The following AATK variants were observed in gnomAD, a reference collection of about 807,000 sequenced individuals.
The protein encoded by AATK is lemur tail kinase 1.
In AATK, 91 loss-of-function variants were observed where a neutral mutation model predicts 114.3. The observed-to-expected ratio is 0.80, with a 90% CI of 0.67 to 0.95. The LOEUF is 0.95. AATK is among the 40% of genes least tolerant of loss of function. AATK has a pLI of 0.00. For synonymous variants in AATK, 1,075 were observed against 916.5 expected, an observed-to-expected ratio of 1.17 and a Z score of -3.12; for missense variants, 2,176 against 1,965.2, an observed-to-expected ratio of 1.11 and a Z score of -2.03.
intron 1 of AATK, among the ~76,000 whole-genome samples, chr17:81,164,926 G>C (rs1458182919): frequency 6.6e-6 from 1 of 152,114 alleles, no homozygotes; most frequent in African/African-American, 2.4e-5. Context: ...AATGCCTTCA[G>C]ACCGAGATCT....
intron 1 of AATK, among the ~76,000 whole-genome samples, chr17:81,137,960 CCACA>C (rs773265151): frequency 1.7e-4 from 25 of 145,318 alleles, no homozygotes; most frequent in African/African-American, 5.6e-4. Flanking sequence ...ACGCACACAT[CCACA>C]CACACGCAGA....
At position 81,166,056 on chromosome 17, in the gene AATK, G is replaced by A. The variant is rs533452499; in HGVS notation, c.-64C>T. ...TGCGCTCAGGACGCCCGCGGCCCCG[G>A]CCCGAGCCGCCGCATCACCCAGCGG... On this transcript the variant is annotated 5_prime_UTR_variant, in exon 1 of 14. Transcript: ENST00000326724. 9.8e-4 allele frequency: 1,153 copies of A among 1,181,256 alleles called. 13 individuals are homozygous for A. In the African/African-American group the frequency reaches 0.018, roughly 18 times the overall value. 73.2% of individuals were successfully genotyped at this position (1,181,256 alleles called of 1,614,324 possible). A position where few individuals can be genotyped will look rare whatever the true frequency, so the allele number is the denominator to read the frequency against.
chr17:81,158,661 A>ACCT, intron 1 of AATK, among the ~76,000 whole-genome samples: 1 of 152,066 alleles, frequency 6.6e-6, no homozygotes. Flanking sequence ...ACCAAAAAAT[A>ACCT]CCTCCAATGG....
At chr17:81,119,789 A>G (rs1253113067) in intron 12 of AATK, 147 bp downstream of exon 12, 5 of 1,279,998 alleles carry the variant, frequency 3.9e-6, no homozygotes, top group East Asian at 3.0e-5. Context: ...CCCGCCTCCC[A>G]TGACGACACG....
chr17:81,132,981 C>G (rs1025215179), intron 2 of AATK: 1 of 303,276 alleles, frequency 3.3e-6, no homozygotes, highest in African/African-American at 2.3e-5. Context: ...TCGTCCCACC[C>G]AGGCCCCACC....
chr17:81,138,455 GCA>G (rs139901979), intron 1 of AATK, among the ~76,000 whole-genome samples: 151 of 146,160 alleles, frequency 1.0e-3, no homozygotes, highest in Non-Finnish European at 1.7e-3. Flanking sequence ...AGATGCATGT[GCA>G]CACACACCCA....
At chr17:81,151,086 G>A (rs936222624) in intron 1 of AATK, among the ~76,000 whole-genome samples, 1 of 152,128 alleles carries the variant, frequency 6.6e-6, no homozygotes, top group Non-Finnish European at 1.5e-5. Flanking sequence ...GCCCCCCTAC[G>A]AACCACTGTG....
At position 81,120,600 on chromosome 17, in the gene AATK, G is replaced by A. The variant is rs373374624; in HGVS notation, c.3336C>T (p.Gly1112=). The A allele has an allele frequency of 6.5e-6, 10 of 1,549,948 alleles. No individual in the cohort carries two copies. Among genetic ancestry groups the A allele is most frequent in the South Asian group, 1.2e-5 (1 of 82,022 alleles). ...GGGGCCCCTGGAACTCAGAGCTGTT[G>A]CCTTCTGATCTCAGCGGAACCGGGG... ...LLTPVPLRSE[G]NSSEFQGPPG... is the part of the protein sequence containing the mutation. Residue 1112 remains glycine (G), a synonymous_variant, in exon 11 of 14, where the codon GGC becomes GGT. Coordinates refer to ENST00000326724, the MANE Select transcript of AATK (RefSeq NM_001080395.3).
In AATK at chr17:81,127,827, C is replaced by T; in HGVS notation, c.498G>A (p.Glu166=). Residue 166 remains glutamate (E), a synonymous_variant, in exon 5 of 14, where the codon GAG becomes GAA. Transcript: ENST00000326724. ...GCACCTCCTCCAGGAACTGCATCTGCTCCTGCACGCTGGCACTAGCCTGCA... is the reference window on the plus strand; with the variant it reads ...GCACCTCCTCCAGGAACTGCATCTGTTCCTGCACGCTGGCACTAGCCTGCA... ...KELQASASVQ[E]QMQFLEEVQP... is the part of the protein sequence containing the mutation. 6.5e-7 allele frequency: 1 copy of T among 1,537,492 alleles called. No homozygotes were observed. The highest frequency in any genetic ancestry group is 8.8e-7 in the Non-Finnish European group (1 of 1,136,432).
At position 81,126,306 on chromosome 17, in the gene AATK, G is replaced by A. The variant is rs1227532697; in HGVS notation, c.755+121C>T. 1.2e-5 allele frequency: 15 copies of A among 1,260,918 alleles called. No homozygotes were observed. The highest frequency in any genetic ancestry group is 1.6e-5 in the Non-Finnish European group (15 of 933,132). 78.1% of individuals were successfully genotyped at this position (1,260,918 alleles called of 1,614,324 possible). On this transcript the variant is annotated intron_variant, in intron 7 of 13. Transcript: ENST00000326724. The surrounding 1 kb of genome is among the most constrained non-coding windows in gnomAD (Gnocchi z 5.1). ...CTCTGCATAGTGGTTGTCTGATGCT[G>A]CATGAGATGAACCTGGCCGGTCCTC... is the stretch of plus-strand genomic sequence containing the variant.
chr17:81,129,747 C>G (rs890074516), intron 3 of AATK, among the ~76,000 whole-genome samples: 6 of 152,186 alleles, frequency 3.9e-5, no homozygotes, highest in South Asian at 4.1e-4. Flanking sequence ...GGGCAGTACC[C>G]CCTCGGATGG....
intron 3 of AATK, 131 bp from the exon 4 acceptor site, chr17:81,128,680 C>A: frequency 6.7e-7 from 1 of 1,482,644 alleles, no homozygotes; most frequent in Non-Finnish European, 9.0e-7. Flanking sequence ...CACCAGCTGG[C>A]AACCTTGGGG....
At chr17:81,128,820 C>G (rs548646430) in intron 3 of AATK, 1 of 1,250,298 alleles carries the variant, frequency 8.0e-7, no homozygotes, top group Non-Finnish European at 1.0e-6. Context: ...ACTGGGATAG[C>G]CCGGCCAGGG....
rs2060704453 is a variant in AATK at position 81,121,917 on chromosome 17, G to A, written c.2019C>T (p.Ala673=). 6.2e-7 allele frequency: 1 copy of A among 1,600,720 alleles called. No individual in the cohort carries two copies. The highest frequency in any genetic ancestry group is 1.7e-4 in the Middle Eastern group (1 of 6,044). Residue 673 remains alanine, a synonymous_variant, in exon 11 of 14, where the codon GCC becomes GCT. Transcript: ENST00000326724. ...ELEEVGARRA[A]QRGHWRSNVS... The stretch of plus-strand genomic sequence containing the variant: ...CGTTGGAGCGCCAGTGCCCGCGCTG[G>A]GCGGCCCTCCGCGCTCCCACCTCCT...
intron 4 of AATK, 65 bp downstream of exon 4, chr17:81,128,405 G>A: frequency 1.3e-6 from 2 of 1,531,914 alleles, no homozygotes; most frequent in Non-Finnish European, 1.8e-6. Flanking sequence ...GGAGGAGCAG[G>A]TCTGCAGCCC....
intron 1 of AATK, among the ~76,000 whole-genome samples, chr17:81,142,872 G>A (rs1262124167): frequency 2.0e-5 from 3 of 151,958 alleles, no homozygotes; most frequent in Non-Finnish European, 2.9e-5. Context: ...CATCATCGGC[G>A]TGACCCTCAC....
intron 1 of AATK, among the ~76,000 whole-genome samples, chr17:81,140,321 C>T (rs1466360606): frequency 6.6e-6 from 1 of 152,220 alleles, no homozygotes; most frequent in African/African-American, 2.4e-5. Flanking sequence ...TTACGTCACA[C>T]TTAGGCACTC....
chr17:81,165,488 T>C, intron 1 of AATK: 1 of 471,650 alleles, frequency 2.1e-6, no homozygotes, highest in East Asian at 7.2e-5. Flanking sequence ...CGGCTGCTGG[T>C]GGCTGGGCAG....
Position 81,121,222 on chromosome 17 carries a change from G to C in AATK, c.2714C>G (p.Ser905Cys). Reference protein sequence around the residue: ...KQVGTPDSLDSLDIPSSASDG... With the variant: ...KQVGTPDSLDCLDIPSSASDG... ...ACTGGCTGAGGACGGGATGTCCAGG[G>C]AGTCCAGGGAGTCGGGGGTCCCCAC... The change falls in exon 11 of 14, where the codon TCC becomes TGC. Residue 905 changes from serine to cysteine, a missense_variant. By Grantham distance (112) the Ser-to-Cys change is moderately radical. This residue lies in a region of AATK where 1,701 missense variants were observed against 1,394.7 expected (regional missense o/e 1.22). Coordinates refer to ENST00000326724, the MANE Select transcript of AATK (RefSeq NM_001080395.3). 6.2e-7 allele frequency: 1 copy of C among 1,605,284 alleles called. No individual in the cohort carries two copies. Among genetic ancestry groups the C allele is most frequent in the Non-Finnish European group, 8.5e-7 (1 of 1,176,432 alleles).
Sources: allele counts gnomAD v4.1 joint callset (sites outside exome capture counted in the v4.1 genomes callset), GRCh38; gene constraint gnomAD v4.1.1; regional missense constraint gnomAD v4.1.1; non-coding constraint Gnocchi (gnomAD v3.1); transcripts MANE v1.5; gene names NCBI Gene and HGNC (gene_info 2026-07-23, HGNC 2026-07-21).